SUGP1: variants seen among roughly 807,000 people sequenced by gnomAD.
The protein encoded by SUGP1 is SURP and G-patch domain-containing protein 1.
A neutral mutation model predicts 76.5 loss-of-function variants in SUGP1; 34 were observed. The observed-to-expected ratio is 0.44, with a 90% CI of 0.34 to 0.59. The LOEUF (loss-of-function observed/expected upper bound fraction) is 0.59. Among genes scored for constraint, SUGP1 ranks in the 20% least tolerant of loss-of-function variants. The pLI is 0.01. For missense variants in SUGP1, 752 were observed against 851.7 expected (o/e 0.88, Z 1.46); for synonymous variants, 326 against 326.2 (o/e 1.00, Z 0.01).
chr19:19,299,405 C>T (rs1220567146), intron 7 of SUGP1, among the ~76,000 whole-genome samples: 2 of 152,004 alleles, frequency 1.3e-5, no homozygotes, highest in African/African-American at 4.8e-5. Flanking sequence ...CGGAGTCTTG[C>T]TCTGTCGCCC....
chr19:19,295,314 T>C (rs544297715), intron 8 of SUGP1, among the ~76,000 whole-genome samples: 1 of 151,492 alleles, frequency 6.6e-6, no homozygotes, highest in South Asian at 2.1e-4. Context: ...CGCTTGAACC[T>C]GGGAGGTGGG....
intron 8 of SUGP1, among the ~76,000 whole-genome samples, chr19:19,289,727 G>A (rs934538623): frequency 2.6e-5 from 4 of 152,036 alleles, no homozygotes; most frequent in African/African-American, 7.2e-5. Flanking sequence ...CAGCCTGGGC[G>A]ACAGAGGGAG....
chr19:19,304,862 C>T lies in SUGP1; in HGVS notation c.538+987G>A, dbSNP rs57238894. Among the ~76,000 whole-genome samples the T allele has an allele frequency of 6.5e-3, 991 of 152,268 alleles. 10 individuals are homozygous for T. Among genetic ancestry groups the T allele is most frequent in the African/African-American group, 0.022 (902 of 41,546 alleles). ...CCCCTGTGAGGTCCCGAGAGCATTC[C>T]GTGACTGTCTTTCACCCTAGGTCGC... On this transcript the variant is annotated intron_variant, in intron 4 of 13. Transcript: ENST00000247001.
At chr19:19,306,655 A>G (rs2061320176) in intron 3 of SUGP1, among the ~76,000 whole-genome samples, 1 of 152,272 alleles carries the variant, frequency 6.6e-6, no homozygotes, top group African/African-American at 2.4e-5. Flanking sequence ...AATCAGAGAC[A>G]TGGGCAGAAG....
At chr19:19,303,108 G>A (rs2061284597) in intron 6 of SUGP1, among the ~76,000 whole-genome samples, 1 of 152,124 alleles carries the variant, frequency 6.6e-6, no homozygotes, top group Non-Finnish European at 1.5e-5. Flanking sequence ...ACCTCCATGA[G>A]CTCCCGTCTA....
At chr19:19,281,981 T>C (rs896996874) in intron 8 of SUGP1, among the ~76,000 whole-genome samples, 1 of 152,082 alleles carries the variant, frequency 6.6e-6, no homozygotes, top group Non-Finnish European at 1.5e-5. Context: ...TCTCTTGAAC[T>C]TTCTTTCATT....
chr19:19,317,152 AG>A (rs1190084421), intron 1 of SUGP1, among the ~76,000 whole-genome samples: 1 of 151,840 alleles, frequency 6.6e-6, no homozygotes, highest in African/African-American at 2.4e-5. Flanking sequence ...AAAAAAAAAA[AG>A]TAAGTGCACA....
intron 6 of SUGP1, among the ~76,000 whole-genome samples, chr19:19,302,655 G>A (rs567304850): frequency 2.6e-5 from 4 of 152,052 alleles, no homozygotes; most frequent in South Asian, 2.1e-4. Flanking sequence ...ATGTGACTGC[G>A]GGTCTGGGTA....
At chr19:19,289,980 T>C (rs2061169289) in intron 8 of SUGP1, among the ~76,000 whole-genome samples, 1 of 151,768 alleles carries the variant, frequency 6.6e-6, no homozygotes, top group African/African-American at 2.4e-5. Flanking sequence ...ATAAGGGCCA[T>C]GTACTCGGCC....
chr19:19,280,229 CTG>C lies in SUGP1; in HGVS notation c.1304_1305del (p.Thr435ArgfsTer49). 6.2e-7 allele frequency: 1 copy of C among 1,614,010 alleles called. No homozygotes were observed. Among genetic ancestry groups the C allele is most frequent in the Non-Finnish European group, 8.5e-7 (1 of 1,179,976 alleles). On this transcript the variant is annotated frameshift_variant, in exon 9 of 14. Transcript: ENST00000247001. LOFTEE classifies it high-confidence loss of function. ...TGCTTCTTCTGGGCGTCTGAAAGCT[CTG>C]TGACGCCCACTAGACCCACAGGCTT... ...KGKPVGLVGV[T>X]ELSDAQKKQL... is the part of the protein sequence containing the mutation.
intron 11 of SUGP1, among the ~76,000 whole-genome samples, chr19:19,278,135 C>G (rs187757469): frequency 2.9e-4 from 44 of 152,308 alleles, no homozygotes; most frequent in Non-Finnish European, 1.3e-4. Context: ...AGGCCTTATC[C>G]ACCTGAGATA....
At chr19:19,282,808 C>T (rs185878791) in intron 8 of SUGP1, among the ~76,000 whole-genome samples, 1,969 of 152,066 alleles carry the variant, frequency 0.013, 36 homozygotes, top group African/African-American at 0.044. Context: ...CCAGGCACGG[C>T]GGCTCACGCC....
chr19:19,293,085 T>G (rs2061198320), intron 8 of SUGP1, among the ~76,000 whole-genome samples: 1 of 151,770 alleles, frequency 6.6e-6, no homozygotes, highest in South Asian at 2.1e-4. Flanking sequence ...TTTTGAATTT[T>G]TTTTGGTAGA....
chr19:19,293,260 T>C (rs755208419), intron 8 of SUGP1, among the ~76,000 whole-genome samples: 7 of 151,810 alleles, frequency 4.6e-5, no homozygotes, highest in Non-Finnish European at 7.4e-5. Flanking sequence ...AACATTTTCA[T>C]GATAAAAACG....
intron 1 of SUGP1, among the ~76,000 whole-genome samples, chr19:19,319,910 T>C (rs1002437487): frequency 6.6e-6 from 1 of 152,076 alleles, no homozygotes; most frequent in Non-Finnish European, 1.5e-5. Flanking sequence ...CACCGCTGCA[T>C]GCGTAGCGCC....
intron 11 of SUGP1, among the ~76,000 whole-genome samples, chr19:19,278,488 T>C (rs2146588935): frequency 6.6e-6 from 1 of 152,262 alleles, no homozygotes; most frequent in Admixed American, 6.5e-5. Flanking sequence ...GAAATGTTTC[T>C]GAGGCAGCAG....
At chr19:19,306,738 G>A (rs2061320958) in intron 3 of SUGP1, among the ~76,000 whole-genome samples, 1 of 152,202 alleles carries the variant, frequency 6.6e-6, no homozygotes. Flanking sequence ...ACAGACAGGG[G>A]TCCCATTCCT....
At chr19:19,307,455 TA>T (rs1391847190) in intron 3 of SUGP1, among the ~76,000 whole-genome samples, 4 of 151,686 alleles carry the variant, frequency 2.6e-5, no homozygotes, top group Admixed American at 6.6e-5. Flanking sequence ...CATCTAGACC[TA>T]AAAAAAATAA....
intron 3 of SUGP1, among the ~76,000 whole-genome samples, chr19:19,309,261 G>T (rs917898575): frequency 3.9e-5 from 6 of 152,124 alleles, no homozygotes; most frequent in African/African-American, 7.2e-5. Flanking sequence ...GAGACAGGTG[G>T]ATTGCTTGAG....
Sources: gnomAD v4.1 joint callset for allele counts (sites outside exome capture counted in the v4.1 genomes callset) on GRCh38, gnomAD v4.1.1 for gene constraint, MANE v1.5 for transcripts, NCBI Gene and HGNC (gene_info 2026-07-23, HGNC 2026-07-21) for gene names.